Variants in NCOA3 observed in about 807,000 individuals in gnomAD.
NCOA3 encodes the protein CBP-interacting protein.
Under a neutral mutation model 158.8 loss-of-function variants are expected in NCOA3, and 51 were observed. The ratio of observed to expected loss-of-function variants is 0.32; its 90% CI spans 0.26 to 0.41. NCOA3 has a LOEUF of 0.41. Ranked by LOEUF, NCOA3 falls within the 10% of genes least tolerant of loss-of-function variation. The pLI is 1.00. For synonymous variants in NCOA3, 537 were observed against 592.4 expected (o/e 0.91, Z 1.36); for missense variants, 1,510 against 1,746.6 (o/e 0.86, Z 2.41).
intron 1 of NCOA3, among the ~76,000 whole-genome samples, chr20:47,581,331 A>G (rs1211595292): frequency 6.6e-6 from 1 of 152,152 alleles, no homozygotes; most frequent in Non-Finnish European, 1.5e-5. Context: ...GTCACCCGGC[A>G]CTACCTAGAG....
At chr20:47,534,836 G>C (rs1025360679) in intron 1 of NCOA3, among the ~76,000 whole-genome samples, 1 of 152,086 alleles carries the variant, frequency 6.6e-6, no homozygotes, top group Non-Finnish European at 1.5e-5. Context: ...GATCGGTTGA[G>C]CCTGGGAAAT....
At chr20:47,511,550 T>TATATATATATATATATACAC in intron 1 of NCOA3, among the ~76,000 whole-genome samples, 1,965 of 52,094 alleles carry the variant, frequency 0.038, 209 homozygotes, top group Non-Finnish European at 0.055. Flanking sequence ...TATATATATA[T>TATATATATATATATATACAC]ATATATTTCT....
At position 47,544,478 on chromosome 20, in the gene NCOA3, T is replaced by C. The variant is rs576177108; in HGVS notation, c.-98-38705T>C. ...GGCATGTGTCAGCATGCCTGACTAA[T>C]TGTTGTGGGTATTTAAAAAAATTTA... On this transcript the variant is annotated intron_variant, in intron 1 of 22. Transcript: ENST00000371998. Among the ~76,000 whole-genome samples, 6 of 152,130 alleles carry C rather than the reference T, an allele frequency of 3.9e-5. No individual in the cohort carries two copies. The East Asian group carries it at 9.6e-4, about 24-fold the overall frequency.
intron 1 of NCOA3, among the ~76,000 whole-genome samples, chr20:47,552,734 A>T (rs1486290995): frequency 6.6e-6 from 1 of 152,168 alleles, no homozygotes; most frequent in East Asian, 1.9e-4. Context: ...GTTTTCAATA[A>T]AGGAATATAT....
At chr20:47,533,695 G>A (rs958880000) in intron 1 of NCOA3, among the ~76,000 whole-genome samples, 1 of 152,126 alleles carries the variant, frequency 6.6e-6, no homozygotes, top group African/African-American at 2.4e-5. Context: ...TTGAGAGGTC[G>A]AGGAGGGTGG....
intron 2 of NCOA3, among the ~76,000 whole-genome samples, chr20:47,599,986 C>CA (rs1310242098): frequency 2.6e-5 from 4 of 151,780 alleles, no homozygotes; most frequent in African/African-American, 9.7e-5. Flanking sequence ...AAAAATTCAC[C>CA]AAAAAATTCA....
chr20:47,585,233 G>A (rs993785784), intron 2 of NCOA3, among the ~76,000 whole-genome samples: 2 of 151,826 alleles, frequency 1.3e-5, no homozygotes, highest in African/African-American at 4.8e-5. Context: ...TGTATTTTTG[G>A]TAGAGATGGG....
chr20:47,518,141 G>C (rs2084264746), intron 1 of NCOA3, among the ~76,000 whole-genome samples: 3 of 151,526 alleles, frequency 2.0e-5, no homozygotes, highest in African/African-American at 7.3e-5. Flanking sequence ...GAGTCCAGGA[G>C]TTCATTACAA....
chr20:47,633,985 C>T (rs766179620), intron 9 of NCOA3, 63 bp from the exon 10 acceptor site: 3 of 1,555,066 alleles, frequency 1.9e-6, no homozygotes, highest in Non-Finnish European at 2.6e-6. Context: ...CCTCCCTGTC[C>T]CCTCCTATAT....
At chr20:47,525,965 A>G (rs80272071) in intron 1 of NCOA3, among the ~76,000 whole-genome samples, 97 of 109,444 alleles carry the variant, frequency 8.9e-4, no homozygotes, top group East Asian at 1.7e-3. Flanking sequence ...CCTCCCGGAC[A>G]AGGTGGCTGC....
At chr20:47,624,315 AG>A (rs979362118) in intron 4 of NCOA3, among the ~76,000 whole-genome samples, 5 of 152,320 alleles carry the variant, frequency 3.3e-5, no homozygotes, top group African/African-American at 1.2e-4. Context: ...AGGAGCCCTG[AG>A]CTTGTTTTCC....
Position 47,525,666 on chromosome 20 carries a change from AC to A in NCOA3, c.-99+23655del, listed in dbSNP as rs1259110722. ...GGCGGCTGGCCGGACGGGGGGGCTG[AC>A]CCCCCCCACCTCCCTCCCGGACGGG... On this transcript the variant is annotated intron_variant, in intron 1 of 22. Coordinates refer to ENST00000371998, the MANE Select transcript of NCOA3 (RefSeq NM_181659.3). Among the ~76,000 whole-genome samples the A allele has an allele frequency of 3.1e-3, 264 of 86,308 alleles. 2 individuals are homozygous for A. Among genetic ancestry groups the A allele is most frequent in the Non-Finnish European group, 4.0e-3 (170 of 43,024 alleles). The allele number at this position is 86,308 out of a possible 152,430, so 56.6% of individuals were successfully genotyped here. A position where few individuals can be genotyped will look rare whatever the true frequency, so the allele number is the denominator to read the frequency against.
chr20:47,549,849 C>T (rs151153523), intron 1 of NCOA3, among the ~76,000 whole-genome samples: 18 of 152,134 alleles, frequency 1.2e-4, no homozygotes, highest in African/African-American at 3.9e-4. Context: ...TACAGGCGCA[C>T]GCCACCACCA....
Position 47,651,243 on chromosome 20 carries a change from C to T in NCOA3, c.3913C>T (p.Pro1305Ser). ...LLAGPTMPQAPPQQFPYQPNY... is the reference protein window; with the variant it reads ...LLAGPTMPQASPQQFPYQPNY... ...GGCAGGACCCACAATGCCACAAGCT[C>T]CTCCGCAACAGTTTCCATATCAACC... is the stretch of plus-strand genomic sequence containing the variant. The change falls in exon 20 of 23, where the codon CCT (proline) becomes TCT (serine). Residue 1305 changes from proline to serine, a missense_variant. Pro to Ser is a moderately conservative substitution (Grantham distance 74). Coordinates refer to ENST00000371998, the MANE Select transcript of NCOA3 (RefSeq NM_181659.3). 2 of 1,612,016 alleles carry T rather than the reference C, an allele frequency of 1.2e-6. No individual in the cohort carries two copies. Among genetic ancestry groups the T allele is most frequent in the Non-Finnish European group, 1.7e-6 (2 of 1,178,218 alleles).
chr20:47,592,072 C>T (rs1205906835), intron 2 of NCOA3, among the ~76,000 whole-genome samples: 1 of 152,026 alleles, frequency 6.6e-6, no homozygotes, highest in Non-Finnish European at 1.5e-5. Flanking sequence ...GGTGGAGTTT[C>T]GTTCTTGTAC....
At chr20:47,505,028 T>TTTTTTTTTTTTTG in intron 1 of NCOA3, among the ~76,000 whole-genome samples, 1 of 118,100 alleles carries the variant, frequency 8.5e-6, no homozygotes, top group Non-Finnish European at 1.8e-5. Flanking sequence ...TTTTTTTTTT[T>TTTTTTTTTTTTTG]TGCGGGCAGG....
At chr20:47,633,258 A>G (rs1442461244) in intron 8 of NCOA3, among the ~76,000 whole-genome samples, 2 of 152,212 alleles carry the variant, frequency 1.3e-5, no homozygotes, top group African/African-American at 2.4e-5. Flanking sequence ...GCTCTGTGCT[A>G]GAAATCTGAC....
intron 2 of NCOA3, among the ~76,000 whole-genome samples, chr20:47,603,876 C>G (rs529521191): frequency 2.0e-5 from 3 of 151,922 alleles, no homozygotes; most frequent in Non-Finnish European, 4.4e-5. Flanking sequence ...GATATGGGGG[C>G]GTGGTGGGTC....
chr20:47,565,122 C>T (rs1275047217), intron 1 of NCOA3, among the ~76,000 whole-genome samples: 1 of 152,128 alleles, frequency 6.6e-6, no homozygotes, highest in Non-Finnish European at 1.5e-5. Flanking sequence ...GCTGGGATTA[C>T]AGGCATGTGC....
Sources: gnomAD v4.1 joint callset for allele counts (sites outside exome capture counted in the v4.1 genomes callset) on GRCh38, gnomAD v4.1.1 for gene constraint, MANE v1.5 for transcripts, NCBI Gene and HGNC (gene_info 2026-07-23, HGNC 2026-07-21) for gene names.